The following PLEC variants were observed in gnomAD, a reference collection of about 807,000 sequenced individuals.
The protein encoded by PLEC is hemidesmosomal protein 1.
Under a neutral mutation model 392.8 loss-of-function variants are expected in PLEC, and 216 were observed. The observed-to-expected ratio is 0.55, with a 90% CI of 0.49 to 0.62. The LOEUF is 0.62. PLEC is among the 20% of genes least tolerant of loss of function. The pLI, the probability that PLEC is intolerant of heterozygous loss-of-function variation, is 0.00. For synonymous variants in PLEC, 3,621 were observed against 2,980.6 expected (o/e 1.21, Z -7.00); for missense variants, 6,863 against 6,563.4 (o/e 1.05, Z -1.58).
rs1338113999 is a variant in PLEC at position 143,969,444 on chromosome 8, C to T, written c.70+3959G>A. 5.9e-5 allele frequency among the ~76,000 whole-genome samples: 9 copies of T among 152,186 alleles called. No homozygotes were observed. Among genetic ancestry groups the T allele is most frequent in the East Asian group, 1.9e-4 (1 of 5,192 alleles). ...GCTGTGGGCTGGTGACTTAGACAGT[C>T]GGCCCAGCTGCCAAGAGGTGTCCAG... On this transcript the variant is annotated intron_variant, in intron 1 of 31. Transcript: ENST00000356346. The surrounding 1 kb of genome is among the most constrained non-coding windows in gnomAD (Gnocchi z 5.1).
chr8:143,946,313 C>A (rs912864028), intron 1 of PLEC: 17 of 1,283,676 alleles, frequency 1.3e-5, no homozygotes, highest in Middle Eastern at 2.1e-4. Flanking sequence ...CGGCCCTCTC[C>A]TCTGCCTCCC....
At chr8:143,945,400 C>T (rs1265366295) in intron 1 of PLEC, 2 of 321,008 alleles carry the variant, frequency 6.2e-6, no homozygotes, top group Non-Finnish European at 1.2e-5. Context: ...AGAGCCGGGC[C>T]ACAGGCAGGC....
At chr8:143,946,209 G>C in intron 1 of PLEC, 1 of 490,580 alleles carries the variant, frequency 2.0e-6, no homozygotes, top group Non-Finnish European at 3.4e-6. Context: ...CCCTGGGGCA[G>C]CTCCGAGAGG....
rs782592963 is a variant in PLEC at position 143,916,822 on chromosome 8, G to A, written c.12999C>T (p.Thr4333=). The part of the protein sequence containing the change: ...DPSTGERFPV[T]DAVNKGLVDK... ...CCACCAGGCCCTTGTTGACGGCGTC[G>A]GTGACAGGGAAGCGCTCACCGGTGC... The change falls in exon 32 of 32, where the codon ACC becomes ACT. Residue 4333 remains threonine, a synonymous_variant. Transcript: ENST00000345136. The A allele has an allele frequency of 7.0e-5, 113 of 1,612,790 alleles. No individual in the cohort carries two copies. The highest frequency in any genetic ancestry group is 3.3e-4 in the Middle Eastern group (2 of 6,084).
Position 143,917,974 on chromosome 8 carries a change from C to A in PLEC, c.11847G>T (p.Val3949=). The A allele has an allele frequency of 6.2e-7, 1 of 1,612,696 alleles. No individual in the cohort carries two copies. The highest frequency in any genetic ancestry group is 8.5e-7 in the Non-Finnish European group (1 of 1,179,962). ...FVDATKERLS[V]YQAMKKGIIR... ...TGATGCCCTTCTTCATGGCCTGGTA[C>A]ACCGAGAGCCGTTCCTTGGTGGCGT... Residue 3949 remains valine (V), a synonymous_variant, in exon 32 of 32, where the codon GTG becomes GTT. Transcript: ENST00000345136.
At chr8:143,962,432 C>T (rs1587403310) in intron 1 of PLEC, among the ~76,000 whole-genome samples, 1 of 152,214 alleles carries the variant, frequency 6.6e-6, no homozygotes, top group Non-Finnish European at 1.5e-5. Context: ...GGGCGCCCTG[C>T]CTGTGGCTCT....
intron 1 of PLEC, among the ~76,000 whole-genome samples, chr8:143,949,930 G>C (rs1258215937): frequency 6.6e-6 from 1 of 152,162 alleles, no homozygotes; most frequent in Non-Finnish European, 1.5e-5. Flanking sequence ...GGGGCGCCCC[G>C]GGGTGTGCCT....
rs1821813344 is a variant in PLEC at position 143,919,554 on chromosome 8, G to A, written c.10267C>T (p.His3423Tyr). 2 of 1,608,768 alleles carry A rather than the reference G, an allele frequency of 1.2e-6. No individual in the cohort carries two copies. Among genetic ancestry groups the A allele is most frequent in the Non-Finnish European group, 1.7e-6 (2 of 1,178,838 alleles). The change falls in exon 32 of 32, where the codon CAC (histidine) becomes TAC (tyrosine). Residue 3423 changes from histidine (H) to tyrosine (Y), a missense_variant. Physicochemically the swap from His to Tyr is moderately conservative, Grantham distance 83. Coordinates refer to ENST00000345136, the MANE Select transcript of PLEC (RefSeq NM_201384.3). ...TTCTCGGCAGACAGCAGCTGCTCGT[G>A]AAGCTCGGGGCCCACCACGCCCGCC... ...VKAGVVGPEL[H>Y]EQLLSAEKAV...
intron 1 of PLEC, among the ~76,000 whole-genome samples, chr8:143,972,698 G>A (rs1012282819): frequency 3.9e-5 from 6 of 152,320 alleles, no homozygotes; most frequent in Admixed American, 6.5e-5. Flanking sequence ...GCCTGGAGCC[G>A]GGCGACCCAG....
chr8:143,932,689 C>G lies in PLEC; in HGVS notation c.1761G>C (p.Arg587=). ...GACCCAGGCAGTCACGGTAGGCACCCCGGGTGGCGGGGGAGAGCTGGCCCT... is the reference window on the plus strand; with the variant it reads ...GACCCAGGCAGTCACGGTAGGCACCGCGGGTGGCGGGGGAGAGCTGGCCCT... The part of the protein sequence containing the change: ...SDEGQLSPAT[R]GAYRDCLGRL... The change falls in exon 15 of 32, where the codon CGG becomes CGC. Residue 587 remains arginine, a synonymous_variant. Transcript: ENST00000345136. The G allele has an allele frequency of 6.2e-7, 1 of 1,608,758 alleles. No homozygotes were observed. Among genetic ancestry groups the G allele is most frequent in the South Asian group, 1.1e-5 (1 of 90,592 alleles).
At chr8:143,957,547 G>A (rs560631421), upstream of PLEC, among the ~76,000 whole-genome samples, 4 of 152,276 alleles carry the variant, frequency 2.6e-5, no homozygotes, top group African/African-American at 9.6e-5. Flanking sequence ...CACCACTGGG[G>A]ACCCCAGAAC....
rs782212880 is a variant in PLEC, at chr8:143,930,055, C to T, written c.2620G>A (p.Ala874Thr). The change falls in exon 22 of 32, where the codon GCC (alanine) becomes ACC (threonine). Residue 874 changes from alanine to threonine, a missense_variant. Ala to Thr is a moderately conservative substitution (Grantham distance 58). Coordinates refer to ENST00000345136, the MANE Select transcript of PLEC (RefSeq NM_201384.3). The stretch of plus-strand genomic sequence containing the variant: ...AGCGTGACCAGGGCCTGGTGCTGGG[C>T]CTCCAGCCTGGCAGGTCAGGGCTAC... ...EAQEAVTRLE[A>T]QHQALVTLWH... 1 of 1,610,996 alleles carries T rather than the reference C, an allele frequency of 6.2e-7. No individual in the cohort carries two copies. The highest frequency in any genetic ancestry group is 8.5e-7 in the Non-Finnish European group (1 of 1,179,768).
At chr8:143,957,172 G>A (rs1444293530), upstream of PLEC, among the ~76,000 whole-genome samples, 3 of 152,220 alleles carry the variant, frequency 2.0e-5, no homozygotes, top group Non-Finnish European at 4.4e-5. Flanking sequence ...GCAGCGGGGA[G>A]GAAAGGGAGC....
chr8:143,927,124 A>C (rs1304371820), intron 28 of PLEC, 43 bp from the exon 29 acceptor site: 3 of 1,574,126 alleles, frequency 1.9e-6, no homozygotes, highest in Non-Finnish European at 2.6e-6. Context: ...CTGCCCTCCG[A>C]TGGCCCCTGC....
rs1554688820 is a variant in PLEC at position 143,922,200 on chromosome 8, TCTGCTGCTGCTGCCG to T, written c.7606_7620del (p.Arg2536_Gln2540del). The T allele has an allele frequency of 6.4e-7, 1 of 1,552,670 alleles. No homozygotes were observed. The highest frequency in any genetic ancestry group is 8.7e-7 in the Non-Finnish European group (1 of 1,152,884). On this transcript the variant is annotated inframe_deletion, in exon 32 of 32. Transcript: ENST00000345136. Reference sequence around the variant, plus strand: ...ACCAGCCGCTGCCGTTCCTGCTCCATCTGCTGCTGCTGCCGCTGCTGCTCCTCACGCAGCTGCTGT... The same window carrying T: ...ACCAGCCGCTGCCGTTCCTGCTCCATCTGCTGCTCCTCACGCAGCTGCTGT...
chr8:143,958,151 G>A (rs1482040325), upstream of PLEC, among the ~76,000 whole-genome samples: 2 of 125,664 alleles, frequency 1.6e-5, no homozygotes, highest in Non-Finnish European at 3.3e-5. The surrounding 1 kb of genome is among the most constrained non-coding windows in gnomAD (Gnocchi z 4.9). Flanking sequence ...CGGCCTCTGC[G>A]GATGCTGCGG....
chr8:143,930,333 A>C, intron 20 of PLEC, 35 bp from the exon 21 acceptor site: 1 of 1,589,682 alleles, frequency 6.3e-7, no homozygotes. Flanking sequence ...ACATGGCCAC[A>C]CCCTGCCCTG....
chr8:143,960,446 G>A (rs1203008160), intron 1 of PLEC, among the ~76,000 whole-genome samples: 5 of 151,252 alleles, frequency 3.3e-5, no homozygotes, highest in African/African-American at 4.9e-5. Flanking sequence ...GTGAAACCCC[G>A]TCTCTACTAA....
At position 143,919,009 on chromosome 8, in the gene PLEC, C is replaced by T. The variant is rs1586791973; in HGVS notation, c.10812G>A (p.Leu3604=). 7 of 1,611,294 alleles carry T rather than the reference C, an allele frequency of 4.3e-6. No homozygotes were observed. The Admixed American group carries it at 1.2e-4, about 27-fold the overall frequency. ...DLIPEEQRAQ[L]MADFQAGRVT... ...CCCGGCCGGCCTGGAAGTCAGCCAT[C>T]AGCTGGGCCCGCTGCTCCTCGGGGA... The change falls in exon 32 of 32, where the codon CTG becomes CTA. Residue 3604 remains leucine (L), a synonymous_variant. Transcript: ENST00000345136.
Sources: allele counts gnomAD v4.1 joint callset (sites outside exome capture counted in the v4.1 genomes callset), GRCh38; gene constraint gnomAD v4.1.1; non-coding constraint Gnocchi (gnomAD v3.1); transcripts MANE v1.5; gene names NCBI Gene and HGNC (gene_info 2026-07-23, HGNC 2026-07-21).